Variants in MICU1 observed in about 807,000 individuals in gnomAD.
MICU1 encodes the protein mitochondrial calcium uptake 1.
In MICU1, 45 loss-of-function variants were observed where a neutral mutation model predicts 56.8. The ratio of observed to expected loss-of-function variants is 0.79; its 90% CI spans 0.62 to 1.02. The LOEUF (loss-of-function observed/expected upper bound fraction) is 1.02, where lower values mean the gene tolerates loss of function less well. Ranked by LOEUF, MICU1 falls within the 50% of genes least tolerant of loss-of-function variation. The pLI is 0.00. For missense variants in MICU1, 504 were observed against 587.1 expected, an observed-to-expected ratio of 0.86 and a Z score of 1.46; for synonymous variants, 186 against 195.1, an observed-to-expected ratio of 0.95 and a Z score of 0.39.
At chr10:72,428,741 C>T (rs1864430098) in intron 8 of MICU1, among the ~76,000 whole-genome samples, 1 of 152,094 alleles carries the variant, frequency 6.6e-6, no homozygotes, top group African/African-American at 2.4e-5. Flanking sequence ...CAGCCAAAAC[C>T]ACGAAGATAA....
rs143704155 is a variant in MICU1, at chr10:72,413,152, G to A, written c.1072-5115C>T. 2.6e-3 allele frequency among the ~76,000 whole-genome samples: 403 copies of A among 152,140 alleles called. 2 individuals carry two copies. Among genetic ancestry groups the A allele is most frequent in the African/African-American group, 9.2e-3 (380 of 41,524 alleles). ...GTGGAGGTTGTAGTGAGCCGAGATC[G>A]TGCCACTGCACTCCAGCCTGGGCAG... is the stretch of plus-strand genomic sequence containing the variant. On this transcript the variant is annotated intron_variant, in intron 9 of 11. Transcript: ENST00000361114.
intron 1 of MICU1, among the ~76,000 whole-genome samples, chr10:72,593,093 T>C (rs899546788): frequency 6.6e-6 from 1 of 151,852 alleles, no homozygotes; most frequent in African/African-American, 2.4e-5. Context: ...CCCAATTCCA[T>C]ACTCTTTCAT....
At chr10:72,489,715 C>T (rs1359548090) in intron 6 of MICU1, among the ~76,000 whole-genome samples, 2 of 152,150 alleles carry the variant, frequency 1.3e-5, no homozygotes, top group African/African-American at 2.4e-5. Context: ...GGTCTCCACC[C>T]TGTATGTTTT....
intron 10 of MICU1, among the ~76,000 whole-genome samples, chr10:72,403,977 G>C (rs1363834241): frequency 7.1e-6 from 1 of 141,084 alleles, no homozygotes; most frequent in Non-Finnish European, 1.6e-5. Flanking sequence ...TTTATTTTTT[G>C]GTTATGTGTT....
At chr10:72,595,414 T>G (rs577973615) in intron 1 of MICU1, among the ~76,000 whole-genome samples, 1 of 130,036 alleles carries the variant, frequency 7.7e-6, no homozygotes, top group Non-Finnish European at 1.5e-5. Context: ...ATCGCATCAC[T>G]GCACTCCAAC....
At chr10:72,383,276 C>T (rs892679841) in intron 10 of MICU1, among the ~76,000 whole-genome samples, 4 of 150,626 alleles carry the variant, frequency 2.7e-5, no homozygotes, top group Admixed American at 6.6e-5. Context: ...GTTTTTGATT[C>T]GCTAATATAG....
At chr10:72,616,466 A>G (rs1041875452) in intron 1 of MICU1, among the ~76,000 whole-genome samples, 2 of 152,000 alleles carry the variant, frequency 1.3e-5, no homozygotes, top group African/African-American at 2.4e-5. Context: ...GCACGCCTGT[A>G]ATCCCAGCTA....
chr10:72,452,502 A>C, intron 8 of MICU1, among the ~76,000 whole-genome samples: 1 of 152,208 alleles, frequency 6.6e-6, no homozygotes, highest in East Asian at 1.9e-4. Context: ...AGGTATTTCA[A>C]ATACAGTCAT....
intron 8 of MICU1, among the ~76,000 whole-genome samples, chr10:72,448,945 GGTT>G (rs1865207686): frequency 6.6e-6 from 1 of 152,068 alleles, no homozygotes. Flanking sequence ...GTTTTGTTTT[GGTT>G]GTTTTAGATA....
chr10:72,530,846 C>A (rs1315017413), intron 5 of MICU1, among the ~76,000 whole-genome samples: 1 of 152,082 alleles, frequency 6.6e-6, no homozygotes, highest in East Asian at 1.9e-4. Context: ...GTTAATTAAA[C>A]AGATCAGGAA....
chr10:72,461,003 C>T (rs1865623104), intron 8 of MICU1, among the ~76,000 whole-genome samples: 2 of 152,110 alleles, frequency 1.3e-5, no homozygotes, highest in African/African-American at 4.8e-5. Flanking sequence ...CCTACTCAGA[C>T]ACCGTGGACA....
At chr10:72,613,915 TGGG>T (rs747265507) in intron 1 of MICU1, among the ~76,000 whole-genome samples, 8 of 151,976 alleles carry the variant, frequency 5.3e-5, no homozygotes, top group Non-Finnish European at 1.0e-4. Flanking sequence ...GAGGCTGAGG[TGGG>T]GGGATCACCT....
chr10:72,453,686 C>T (rs915591865), intron 8 of MICU1, among the ~76,000 whole-genome samples: 1 of 151,898 alleles, frequency 6.6e-6, no homozygotes, highest in Admixed American at 6.6e-5. Context: ...TGCACCACCA[C>T]GCCGGGCTAA....
intron 11 of MICU1, among the ~76,000 whole-genome samples, chr10:72,373,228 G>T (rs568200411): frequency 6.7e-6 from 1 of 148,278 alleles, no homozygotes; most frequent in Non-Finnish European, 1.5e-5. Flanking sequence ...TGCCCAAGCT[G>T]GAGTGCAGCG....
chr10:72,479,424 T>C (rs1176653451), intron 6 of MICU1, among the ~76,000 whole-genome samples: 1 of 152,240 alleles, frequency 6.6e-6, no homozygotes, highest in African/African-American at 2.4e-5. Flanking sequence ...CTCAAGGAGA[T>C]AACCAATATC....
chr10:72,395,747 G>A (rs987612856), intron 10 of MICU1, among the ~76,000 whole-genome samples: 5 of 152,234 alleles, frequency 3.3e-5, no homozygotes, highest in African/African-American at 1.2e-4. Context: ...TGCCATTGCT[G>A]AGGCTTGATT....
At chr10:72,577,757 T>G (rs1221176051) in intron 1 of MICU1, among the ~76,000 whole-genome samples, 5 of 152,192 alleles carry the variant, frequency 3.3e-5, no homozygotes, top group Non-Finnish European at 7.3e-5. Flanking sequence ...AAAATGTGAC[T>G]GGATTGCTAT....
chr10:72,482,552 T>C lies in MICU1; in HGVS notation c.653-5296A>G, dbSNP rs79735506. On this transcript the variant is annotated intron_variant, in intron 6 of 11. Transcript: ENST00000361114. Reference sequence around the variant, plus strand: ...TTTCTGAGGGAGAGGTCACCACTTCTGAGGTGTAAACATTGTTGACCATAT... The same window carrying C: ...TTTCTGAGGGAGAGGTCACCACTTCCGAGGTGTAAACATTGTTGACCATAT... Among the ~76,000 whole-genome samples, 86 of 152,274 alleles carry C rather than the reference T, an allele frequency of 5.6e-4. 1 individual carries two copies. In the East Asian group the frequency reaches 0.016, roughly 28 times the overall value.
chr10:72,579,661 G>C (rs1840846526), intron 1 of MICU1, among the ~76,000 whole-genome samples: 1 of 152,016 alleles, frequency 6.6e-6, no homozygotes. Flanking sequence ...CTAATTGGTA[G>C]CATATAAATT....
Sources: gnomAD v4.1 joint callset for allele counts (sites outside exome capture counted in the v4.1 genomes callset) on GRCh38, gnomAD v4.1.1 for gene constraint, MANE v1.5 for transcripts, NCBI Gene and HGNC (gene_info 2026-07-23, HGNC 2026-07-21) for gene names.